The following MCFD2 variants were observed in gnomAD, a reference collection of about 807,000 sequenced individuals.
The protein encoded by MCFD2 is multiple coagulation factor deficiency protein 2.
MCFD2 carries 11 observed loss-of-function variants against 12.8 expected under a neutral mutation model. The observed-to-expected ratio is 0.86, with a 90% confidence interval of 0.54 to 1.42. The LOEUF (loss-of-function observed/expected upper bound fraction) is 1.42, where lower values mean the gene tolerates loss of function less well. Ranked by LOEUF, MCFD2 falls within the 40% of genes most tolerant of loss-of-function variation. The probability of loss-of-function intolerance (pLI) is 0.00; values close to 1 mark genes in which losing one functional copy is unlikely to be tolerated. For synonymous variants in MCFD2, 70 were observed against 68.1 expected, an observed-to-expected ratio of 1.03 and a Z score of -0.14; for missense variants, 191 against 178.6, an observed-to-expected ratio of 1.07 and a Z score of -0.40.
At chr2:46,906,334 A>G (rs1346532281) in intron 3 of MCFD2, among the ~76,000 whole-genome samples, 1 of 151,972 alleles carries the variant, frequency 6.6e-6, no homozygotes, top group East Asian at 1.9e-4. Context: ...AAAATCATTC[A>G]TGCTCCCTGC....
rs773695880 is a variant in MCFD2, at chr2:46,912,831, C to A, written c.-7+2892G>T. On this transcript the variant is annotated intron_variant, in intron 1 of 3. Transcript: ENST00000319466. Reference sequence around the variant, plus strand: ...TGGAACAGAAGCTGCTGGTTCTTAGCCTGTGTGCCATGGTCCTTGGGGAGC... The same window carrying A: ...TGGAACAGAAGCTGCTGGTTCTTAGACTGTGTGCCATGGTCCTTGGGGAGC... Among the ~76,000 whole-genome samples the A allele has an allele frequency of 4.6e-5, 7 of 152,196 alleles. 1 individual carries two copies. Among genetic ancestry groups the A allele is most frequent in the Non-Finnish European group, 7.3e-5 (5 of 68,042 alleles).
chr2:46,931,751 G>C (rs1417414073), intron 1 of MCFD2, among the ~76,000 whole-genome samples: 1 of 151,602 alleles, frequency 6.6e-6, no homozygotes, highest in Non-Finnish European at 1.5e-5. Flanking sequence ...GTCAAATCAT[G>C]AGTAGTAGAT....
upstream of MCFD2, among the ~76,000 whole-genome samples, chr2:46,918,781 T>C (rs541433554): frequency 6.6e-6 from 1 of 152,210 alleles, no homozygotes; most frequent in Non-Finnish European, 1.5e-5. Flanking sequence ...GAGTGTTGCC[T>C]TTTTTAGTAG....
rs35897582 is a variant in MCFD2 at position 46,928,459 on chromosome 2, TAAAA to T, written c.-8+13109_-8+13112del. On this transcript the variant is annotated intron_variant, in intron 1 of 2. Coordinates refer to the MCFD2 transcript ENST00000409147. Reference sequence around the variant, plus strand: ...AAGCTCAGGTGGTGGAAAGGGAAATTAAAAAAAAAAAAAAAAAAAAAAAAAACTT... The same window carrying T: ...AAGCTCAGGTGGTGGAAAGGGAAATTAAAAAAAAAAAAAAAAAAAAAACTT... 6.1e-3 allele frequency among the ~76,000 whole-genome samples: 499 copies of T among 81,968 alleles called. 5 individuals are homozygous for T. The highest frequency in any genetic ancestry group is 0.018 in the African/African-American group (476 of 26,034). 53.8% of individuals were successfully genotyped at this position (81,968 alleles called of 152,430 possible).
chr2:46,906,542 G>T (rs12612856), intron 3 of MCFD2, among the ~76,000 whole-genome samples: 1 of 143,722 alleles, frequency 7.0e-6, no homozygotes, highest in Non-Finnish European at 1.5e-5. Context: ...CTGGAGTCCA[G>T]TAGCACGATC....
rs183624818 is a variant in MCFD2 at position 46,912,197 on chromosome 2, G to A, written c.-6-3020C>T. On this transcript the variant is annotated intron_variant, in intron 1 of 3. Transcript: ENST00000319466. Reference sequence around the variant, plus strand: ...TAAAAATACAAAAAAAAATTTGCTGGGCATGGTGGCGTGCACCTGTAATCC... The same window carrying A: ...TAAAAATACAAAAAAAAATTTGCTGAGCATGGTGGCGTGCACCTGTAATCC... 3.3e-5 allele frequency among the ~76,000 whole-genome samples: 5 copies of A among 152,220 alleles called. No homozygotes were observed. In the East Asian group the frequency reaches 9.7e-4, roughly 29 times the overall value.
At chr2:46,930,080 A>C (rs1431937855) in intron 1 of MCFD2, among the ~76,000 whole-genome samples, 2 of 152,174 alleles carry the variant, frequency 1.3e-5, no homozygotes, top group Non-Finnish European at 2.9e-5. Context: ...GTTTTTTACT[A>C]TGTATCATAA....
intron 1 of MCFD2, among the ~76,000 whole-genome samples, chr2:46,939,040 C>T (rs1670120962): frequency 6.7e-6 from 1 of 150,046 alleles, no homozygotes; most frequent in Admixed American, 6.6e-5. Context: ...ACTTTGCGGG[C>T]CAGGGTGGGA....
intron 1 of MCFD2, chr2:46,913,642 A>C (rs1437306355): frequency 6.6e-6 from 1 of 152,346 alleles, no homozygotes; most frequent in African/African-American, 2.4e-5. Flanking sequence ...GGCCAGGCTG[A>C]AGAAAAACCC....
chr2:46,921,033 G>A (rs758303199), intron 1 of MCFD2, among the ~76,000 whole-genome samples: 3 of 151,288 alleles, frequency 2.0e-5, no homozygotes, highest in Admixed American at 6.6e-5. Context: ...AGCCTGACAG[G>A]GCATCTGTTA....
At position 46,908,862 on chromosome 2, in the gene MCFD2, C is replaced by A; in HGVS notation, c.149+161G>T. The A allele has an allele frequency of 1.1e-6, 1 of 920,850 alleles. No individual in the cohort carries two copies. Among genetic ancestry groups the A allele is most frequent in the Non-Finnish European group, 1.7e-6 (1 of 586,502 alleles). The allele number at this position is 920,850 out of a possible 1,614,324, so 57.0% of individuals were successfully genotyped here. A position where few individuals can be genotyped will look rare whatever the true frequency, so the allele number is the denominator to read the frequency against. On this transcript the variant is annotated intron_variant, in intron 2 of 3. Transcript: ENST00000319466. The surrounding 1 kb of genome is among the most constrained non-coding windows in gnomAD (Gnocchi z 4.5). ...TGATACAATGATGAAAAAAGAATAC[C>A]TGACTTATAGGTGGCAATAAGGAAT... is the stretch of plus-strand genomic sequence containing the variant.
At position 46,941,309 on chromosome 2, in the gene MCFD2, C is replaced by A. The variant is rs1179090284; in HGVS notation, c.-8+263G>T. On this transcript the variant is annotated intron_variant, in intron 1 of 2. Coordinates refer to the MCFD2 transcript ENST00000409147. The surrounding 1 kb of genome is among the most constrained non-coding windows in gnomAD (Gnocchi z 4.2). ...GAGGTTGCTCCTGTACGCGTACGGG[C>A]CGCTCGGCCGGAGCCGCAGCCCGGA... 1.6e-5 allele frequency: 3 copies of A among 192,946 alleles called. No homozygotes were observed. Among genetic ancestry groups the A allele is most frequent in the Non-Finnish European group, 3.0e-5 (3 of 99,638 alleles). The allele number at this position is 192,946 out of a possible 1,614,324, so 12.0% of individuals were successfully genotyped here. A position where few individuals can be genotyped will look rare whatever the true frequency, so the allele number is the denominator to read the frequency against.
Position 46,907,440 on chromosome 2 carries a change from G to A in MCFD2, c.309+370C>T, listed in dbSNP as rs1054705675. ...CACTCTGTTGCCCAGGCTGAAGTGC[G>A]GTGGCATGATTATGGCTCACTATAG... On this transcript the variant is annotated intron_variant, in intron 3 of 3. Coordinates refer to ENST00000319466, the MANE Select transcript of MCFD2 (RefSeq NM_139279.6). This position sits in a 1 kb window ranked among gnomAD's most constrained non-coding sequence, Gnocchi z 4.1. The A allele has an allele frequency of 2.6e-5, 7 of 267,068 alleles. No homozygotes were observed. The highest frequency in any genetic ancestry group is 4.2e-5 in the South Asian group (1 of 23,630). The allele number at this position is 267,068 out of a possible 1,614,324, so 16.5% of individuals were successfully genotyped here. A position where few individuals can be genotyped will look rare whatever the true frequency, so the allele number is the denominator to read the frequency against.
chr2:46,936,961 C>A (rs182357115), intron 1 of MCFD2, among the ~76,000 whole-genome samples: 90 of 151,758 alleles, frequency 5.9e-4, no homozygotes, highest in Admixed American at 2.4e-3. Flanking sequence ...CTCAAGCGAT[C>A]CTCCCACCTC....
chr2:46,936,729 A>C (rs1669997731), intron 1 of MCFD2, among the ~76,000 whole-genome samples: 1 of 152,222 alleles, frequency 6.6e-6, no homozygotes, highest in African/African-American at 2.4e-5. Context: ...TGCGGTAGCC[A>C]CTATGAGGAA....
upstream of MCFD2, among the ~76,000 whole-genome samples, chr2:46,919,273 G>A (rs1159028272): frequency 6.6e-6 from 1 of 152,204 alleles, no homozygotes; most frequent in Non-Finnish European, 1.5e-5. Flanking sequence ...GGTGGCTCAC[G>A]CCTGTAATCC....
In MCFD2 at chr2:46,904,226, G is replaced by A. The variant is rs1192451366; in HGVS notation, c.*1237C>T. 5 of 132,244 alleles carry A rather than the reference G, an allele frequency of 3.8e-5. No homozygotes were observed. Among genetic ancestry groups the A allele is most frequent in the Non-Finnish European group, 6.1e-5 (4 of 65,546 alleles). 8.2% of individuals were successfully genotyped at this position (132,244 alleles called of 1,614,324 possible). The stretch of plus-strand genomic sequence containing the variant: ...GCTGCAGGGGAGAGGCCCTCTCAGC[G>A]GCAGGGGAGAGAACCTCTGCTAGGG... On this transcript the variant is annotated 3_prime_UTR_variant, in exon 4 of 4. Transcript: ENST00000319466.
In MCFD2 at chr2:46,941,624, G is replaced by T. The variant is rs767573424; in HGVS notation, c.-60C>A. The T allele has an allele frequency of 1.3e-6, 2 of 1,555,050 alleles. No homozygotes were observed. Among genetic ancestry groups the T allele is most frequent in the African/African-American group, 1.4e-5 (1 of 73,370 alleles). ...TGCCGCGCCGAGGGCCACTGGGACC[G>T]CATGCCGGAGCTGGTCCGGCAGCTG... On this transcript the variant is annotated 5_prime_UTR_variant, in exon 1 of 3. Coordinates refer to the MCFD2 transcript ENST00000409147. This position sits in a 1 kb window ranked among gnomAD's most constrained non-coding sequence, Gnocchi z 4.2.
rs111603188 is a variant in MCFD2 at position 46,904,421 on chromosome 2, G to A, written c.*1042C>T. 0.027 allele frequency: 4,169 copies of A among 153,270 alleles called. 113 individuals carry two copies. The highest frequency in any genetic ancestry group is 0.067 in the African/African-American group (2,785 of 41,580). 9.5% of individuals were successfully genotyped at this position (153,270 alleles called of 1,614,324 possible). A position where few individuals can be genotyped will look rare whatever the true frequency, so the allele number is the denominator to read the frequency against. On this transcript the variant is annotated 3_prime_UTR_variant, in exon 4 of 4. Coordinates refer to ENST00000319466, the MANE Select transcript of MCFD2 (RefSeq NM_139279.6). ...AAGCCGCAGGCACTGAACAACAGCC[G>A]TGAAAGCAGCCAGGAGGGAGGCTGT...
Sources: allele counts gnomAD v4.1 joint callset (sites outside exome capture counted in the v4.1 genomes callset), GRCh38; gene constraint gnomAD v4.1.1; non-coding constraint Gnocchi (gnomAD v3.1); transcripts MANE v1.5; gene names NCBI Gene and HGNC (gene_info 2026-07-23, HGNC 2026-07-21).